MMS19: variants seen among roughly 807,000 people sequenced by gnomAD.
MMS19 encodes the protein MMS19 cytosolic iron-sulfur assembly component.
Under a neutral mutation model 129.8 loss-of-function variants are expected in MMS19, and 77 were observed. That is an observed-to-expected ratio of 0.59 (90% confidence interval 0.49 to 0.72). The LOEUF is 0.72. Ranked by LOEUF, MMS19 falls within the 30% of genes least tolerant of loss-of-function variation. MMS19 has a pLI of 0.00. For synonymous variants in MMS19, 491 were observed against 502.8 expected, an observed-to-expected ratio of 0.98 and a Z score of 0.31; for missense variants, 1,168 against 1,266.3, an observed-to-expected ratio of 0.92 and a Z score of 1.18.
intron 1 of MMS19, among the ~76,000 whole-genome samples, chr10:97,495,151 A>C (rs971477930): frequency 6.6e-6 from 1 of 152,178 alleles, no homozygotes; most frequent in Non-Finnish European, 1.5e-5. Context: ...GAGCTAGTGA[A>C]GGGAATTGGG....
chr10:97,488,729 T>C (rs561266890), intron 1 of MMS19, among the ~76,000 whole-genome samples: 21 of 152,228 alleles, frequency 1.4e-4, no homozygotes, highest in Non-Finnish European at 2.5e-4. Context: ...CCAAATACTT[T>C]TGACCTGCAG....
Position 97,459,991 on chromosome 10 carries a change from T to C in MMS19, c.2656+55A>G, listed in dbSNP as rs140582139. 8.5e-4 allele frequency: 1,331 copies of C among 1,567,922 alleles called. 9 individuals are homozygous for C. In the African/African-American group the frequency reaches 0.016, roughly 19 times the overall value. On this transcript the variant is annotated intron_variant, in intron 26 of 30. Coordinates refer to ENST00000438925, the MANE Select transcript of MMS19 (RefSeq NM_022362.5). ...GGGCCCTAAATTATCTTAGGGAATG[T>C]GGCCAAGCAAAGGAGAGATGTGTAT...
intron 2 of MMS19, among the ~76,000 whole-genome samples, chr10:97,482,735 T>TACACACACAC (rs1442208641): frequency 8.7e-5 from 12 of 137,800 alleles, no homozygotes; most frequent in African/African-American, 2.7e-4. Flanking sequence ...TGTGTATATA[T>TACACACACAC]ATACACACAC....
At chr10:97,477,474 C>G in intron 5 of MMS19, 58 bp from the exon 6 acceptor site, 2 of 1,611,938 alleles carry the variant, frequency 1.2e-6, no homozygotes, top group Non-Finnish European at 1.7e-6. Flanking sequence ...TCAGCTGACA[C>G]AGCTAGTTCC....
chr10:97,473,199 C>G (rs571788469), intron 8 of MMS19, among the ~76,000 whole-genome samples: 1 of 152,014 alleles, frequency 6.6e-6, no homozygotes, highest in Non-Finnish European at 1.5e-5. Context: ...CCACGCCTAG[C>G]TAATTTTTGT....
chr10:97,497,502 C>T (rs1465181216), intron 1 of MMS19, among the ~76,000 whole-genome samples: 3 of 150,660 alleles, frequency 2.0e-5, no homozygotes, highest in Non-Finnish European at 3.0e-5. Context: ...GGCCTCCTAA[C>T]ATTCAATAAC....
intron 1 of MMS19, among the ~76,000 whole-genome samples, chr10:97,484,938 C>T (rs1478500298): frequency 6.6e-6 from 1 of 152,090 alleles, no homozygotes; most frequent in Non-Finnish European, 1.5e-5. Context: ...GCCACTACCC[C>T]TGGCTAAGTA....
chr10:97,472,363 G>A (rs1420484275), intron 8 of MMS19, among the ~76,000 whole-genome samples: 10 of 152,054 alleles, frequency 6.6e-5, no homozygotes, highest in South Asian at 2.1e-4. Flanking sequence ...CCTGTCTCCC[G>A]AGTGGCTGGG....
In MMS19 at chr10:97,476,896, G is replaced by A. The variant is rs2035881611; in HGVS notation, c.561C>T (p.Pro187=). 5 of 1,613,956 alleles carry A rather than the reference G, an allele frequency of 3.1e-6. No homozygotes were observed. The highest frequency in any genetic ancestry group is 4.2e-6 in the Non-Finnish European group (5 of 1,179,876). The change falls in exon 7 of 31, where the codon CCC becomes CCT. Residue 187 remains proline, a synonymous_variant. Coordinates refer to ENST00000438925, the MANE Select transcript of MMS19 (RefSeq NM_022362.5). ...TGCGGAAGGCCACCAGAAGATTACG[G>A]GGATCCTTTTCCCCATCCATCACCT... ...FIQVMDGEKD[P]RNLLVAFRIV...
At chr10:97,460,645 C>T (rs1296429712) in intron 25 of MMS19, 50 bp downstream of exon 25, 20 of 1,480,284 alleles carry the variant, frequency 1.4e-5, no homozygotes, top group Admixed American at 1.2e-4. Flanking sequence ...TAGGAGCAAC[C>T]AGAAAGTTTG....
rs769382834 is a variant in MMS19, at chr10:97,475,475, G to A, written c.684+1208C>T. Among the ~76,000 whole-genome samples, 11 of 152,184 alleles carry A rather than the reference G, an allele frequency of 7.2e-5. No homozygotes were observed. The East Asian group carries it at 1.2e-3, about 16-fold the overall frequency. On this transcript the variant is annotated intron_variant, in intron 8 of 30. Coordinates refer to ENST00000438925, the MANE Select transcript of MMS19 (RefSeq NM_022362.5). The stretch of plus-strand genomic sequence containing the variant: ...GTAAAGGCTGGGCATGGTGGCCCAC[G>A]CCTGTAATCCCAGCACTTTGGGAGG...
chr10:97,461,750 CT>C, intron 22 of MMS19, 77 bp downstream of exon 22: 1 of 1,552,266 alleles, frequency 6.4e-7, no homozygotes, highest in Non-Finnish European at 8.7e-7. Context: ...AAAAGATCAG[CT>C]TAGCCTGTGG....
chr10:97,468,326 A>T lies in MMS19; in HGVS notation c.1144T>A (p.Ser382Thr), dbSNP rs1399595357. 3 of 1,612,746 alleles carry T rather than the reference A, an allele frequency of 1.9e-6. No individual in the cohort carries two copies. Among genetic ancestry groups the T allele is most frequent in the Non-Finnish European group, 2.5e-6 (3 of 1,179,106 alleles). ...GTGACAGAGTCACAGGCCCGGGCAG[A>T]TGCACCTGCAGCTGCCTGCAACAGC... ...AKLLQAAAGA[S>T]ARACDSVTSN... The change falls in exon 13 of 31, where the codon TCT becomes ACT. Residue 382 changes from serine (S) to threonine (T), a missense_variant. Coordinates refer to ENST00000438925, the MANE Select transcript of MMS19 (RefSeq NM_022362.5).
At chr10:97,489,061 G>A (rs971050769) in intron 1 of MMS19, among the ~76,000 whole-genome samples, 1 of 152,062 alleles carries the variant, frequency 6.6e-6, no homozygotes, top group East Asian at 1.9e-4. Flanking sequence ...GGCTGGTCTC[G>A]AACTCCTGAG....
At chr10:97,458,964 G>T (rs183353449) in intron 29 of MMS19, 64 bp from the exon 30 acceptor site, 130 of 1,490,592 alleles carry the variant, frequency 8.7e-5, no homozygotes, top group Admixed American at 2.3e-4. Flanking sequence ...CCGCTTTTTT[G>T]ATTCTGTACA....
chr10:97,460,798 C>G (rs375151041), intron 24 of MMS19, 47 bp from the exon 25 acceptor site: 22 of 1,559,590 alleles, frequency 1.4e-5, no homozygotes, highest in Non-Finnish European at 1.9e-5. Flanking sequence ...CACTCAAACC[C>G]GAGAACCCTG....
upstream of MMS19, chr10:97,498,518 T>C (rs1307042644): frequency 8.4e-6 from 11 of 1,316,604 alleles, no homozygotes; most frequent in Non-Finnish European, 1.1e-5. Context: ...TGCCGGCTTC[T>C]GCCTAGGCAG....
chr10:97,498,352 C>G lies in MMS19; in HGVS notation c.33G>C (p.Ala11=), dbSNP rs1436321078. Reference sequence around the variant, plus strand: ...CGAGGCCCCATAGGGCACCCATAGGCGCCGCCGCCTCCACAGCCGCGGCAG... The same window carrying G: ...CGAGGCCCCATAGGGCACCCATAGGGGCCGCCGCCTCCACAGCCGCGGCAG... MAAAAAVEAA[A]PMGALWGLVH... Residue 11 remains alanine, a synonymous_variant, in exon 1 of 31, where the codon GCG becomes GCC. Transcript: ENST00000438925. 1.3e-6 allele frequency: 2 copies of G among 1,571,280 alleles called. No homozygotes were observed. Among genetic ancestry groups the G allele is most frequent in the African/African-American group, 1.3e-5 (1 of 74,102 alleles).
intron 1 of MMS19, among the ~76,000 whole-genome samples, chr10:97,488,364 A>G (rs558802324): frequency 6.9e-4 from 105 of 152,346 alleles, no homozygotes; most frequent in Middle Eastern, 6.8e-3. Flanking sequence ...GCAACCCTAT[A>G]TTGAGGGCAA....
Sources: gnomAD v4.1 joint callset for allele counts (sites outside exome capture counted in the v4.1 genomes callset) on GRCh38, gnomAD v4.1.1 for gene constraint, MANE v1.5 for transcripts, NCBI Gene and HGNC (gene_info 2026-07-23, HGNC 2026-07-21) for gene names.